Variants in PTK2 observed in about 807,000 individuals in gnomAD.
PTK2 encodes protein tyrosine kinase 2, also known as focal adhesion kinase 1.
In PTK2, 45 loss-of-function variants were observed where a neutral mutation model predicts 150.1. That is an observed-to-expected ratio of 0.30 (90% confidence interval 0.24 to 0.38). The LOEUF is 0.38. Ranked by LOEUF, PTK2 falls within the 10% of genes least tolerant of loss-of-function variation. The pLI is 1.00. For synonymous variants in PTK2, 432 were observed against 449.2 expected (o/e 0.96, Z 0.48); for missense variants, 919 against 1,307.3 (o/e 0.70, Z 4.58).
chr8:140,932,685 T>C (rs982235581), intron 1 of PTK2, among the ~76,000 whole-genome samples: 18 of 152,202 alleles, frequency 1.2e-4, no homozygotes, highest in Non-Finnish European at 2.6e-4. Flanking sequence ...CAATAAATTA[T>C]GGATATTTGC....
intron 3 of PTK2, among the ~76,000 whole-genome samples, chr8:140,883,082 G>A (rs1311137928): frequency 2.0e-5 from 3 of 152,104 alleles, no homozygotes; most frequent in Non-Finnish European, 4.4e-5. Flanking sequence ...TATTTTGCTT[G>A]GTTCCATTTA....
chr8:140,802,955 A>T (rs563053000), intron 11 of PTK2, among the ~76,000 whole-genome samples: 23 of 149,190 alleles, frequency 1.5e-4, no homozygotes, highest in African/African-American at 4.9e-4. Context: ...GCAAAACATG[A>T]CTGTACATAT....
chr8:140,752,063 T>G (rs1431295196), intron 17 of PTK2, 169 bp downstream of exon 20: 1 of 706,364 alleles, frequency 1.4e-6, no homozygotes, highest in African/African-American at 1.7e-5. Context: ...CCTGGAAAAA[T>G]CTGTAGATAG....
chr8:140,884,464 T>C (rs1218655880), intron 3 of PTK2, among the ~76,000 whole-genome samples: 2 of 152,206 alleles, frequency 1.3e-5, no homozygotes, highest in African/African-American at 4.8e-5. Context: ...GTTCAATTGA[T>C]TGTTATTAAT....
chr8:140,659,067 T>C (rs1365775236), exon 32 of PTK2: 1 of 235,114 alleles, frequency 4.3e-6, no homozygotes, highest in Non-Finnish European at 8.4e-6. Context: ...CTGGAATTCT[T>C]TGCTTCATGC....
chr8:140,803,005 CTTTTT>C (rs778981723), intron 11 of PTK2, among the ~76,000 whole-genome samples: 6 of 77,364 alleles, frequency 7.8e-5, no homozygotes, highest in East Asian at 1.0e-3. Context: ...TGATGACAAT[CTTTTT>C]TTTTTTTTTT....
intron 16 of PTK2, among the ~76,000 whole-genome samples, chr8:140,754,523 T>A (rs2100064586): frequency 6.6e-6 from 1 of 152,182 alleles, no homozygotes; most frequent in South Asian, 2.1e-4. Context: ...TTATAGACGA[T>A]CAGAGCAACA....
intron 5 of PTK2, among the ~76,000 whole-genome samples, chr8:140,851,243 T>C (rs1598629723): frequency 6.6e-6 from 1 of 152,210 alleles, no homozygotes; most frequent in Non-Finnish European, 1.5e-5. Context: ...ACCTAAGCTA[T>C]AAAAATATAC....
intron 26 of PTK2, among the ~76,000 whole-genome samples, chr8:140,694,849 T>C (rs927945919): frequency 2.6e-5 from 4 of 152,218 alleles, no homozygotes; most frequent in African/African-American, 9.7e-5. Context: ...ACCAGAGACC[T>C]AGCTGCCACC....
At chr8:140,902,535 A>G (rs1326862234) in intron 2 of PTK2, among the ~76,000 whole-genome samples, 1 of 152,208 alleles carries the variant, frequency 6.6e-6, no homozygotes, top group Non-Finnish European at 1.5e-5. Flanking sequence ...GAATTGCCAC[A>G]CTGTCTTCCA....
At chr8:140,955,047 T>C (rs780518087) in intron 1 of PTK2, among the ~76,000 whole-genome samples, 1 of 152,198 alleles carries the variant, frequency 6.6e-6, no homozygotes, top group Non-Finnish European at 1.5e-5. Context: ...CTAAGAACCA[T>C]TAAAACATCA....
At chr8:140,949,210 C>T (rs1364095809) in intron 1 of PTK2, among the ~76,000 whole-genome samples, 1 of 152,144 alleles carries the variant, frequency 6.6e-6, no homozygotes, top group African/African-American at 2.4e-5. Flanking sequence ...TGTAAAAATA[C>T]AGTATATAAT....
At chr8:140,819,066 G>GT (rs1487550212) in intron 8 of PTK2, 46 bp from the exon 9 acceptor site, 9 of 1,587,142 alleles carry the variant, frequency 5.7e-6, no homozygotes, top group Non-Finnish European at 7.7e-6. Context: ...TCAGCAATGA[G>GT]TAAAGACCAC....
In PTK2 at chr8:140,990,492, C is replaced by G. The variant is rs7845262; in HGVS notation, c.-122+10633G>C. Among the ~76,000 whole-genome samples, 905 of 152,250 alleles carry G rather than the reference C, an allele frequency of 5.9e-3. 10 individuals carry two copies. The highest frequency in any genetic ancestry group is 0.021 in the African/African-American group (863 of 41,538). On this transcript the variant is annotated intron_variant, in intron 1 of 31. Coordinates refer to ENST00000522684, the Ensembl canonical transcript of PTK2. ...CCTGGGCTCAAGTGATCCTCCCACC[C>G]TGGCCTCCCAAAGTGCTGGGGTTAC... is the stretch of plus-strand genomic sequence containing the variant.
intron 26 of PTK2, among the ~76,000 whole-genome samples, chr8:140,698,274 T>A (rs1257893990): frequency 6.6e-6 from 1 of 152,176 alleles, no homozygotes; most frequent in East Asian, 1.9e-4. Flanking sequence ...ATACAAGAAC[T>A]CTAGTTTGGA....
At chr8:140,781,153 G>C (rs1209334465) in intron 14 of PTK2, among the ~76,000 whole-genome samples, 1 of 152,038 alleles carries the variant, frequency 6.6e-6, no homozygotes, top group Non-Finnish European at 1.5e-5. Flanking sequence ...TCAAACTCTA[G>C]AATTTATATT....
intron 1 of PTK2, among the ~76,000 whole-genome samples, chr8:140,979,116 G>T (rs1481702436): frequency 7.9e-6 from 1 of 126,854 alleles, no homozygotes; most frequent in Non-Finnish European, 1.7e-5. Context: ...GTTGTGGGGT[G>T]GGGGGAGGGG....
chr8:140,764,388 C>A, intron 14 of PTK2, 98 bp from the exon 17 acceptor site: 2 of 893,068 alleles, frequency 2.2e-6, no homozygotes, highest in South Asian at 1.4e-5. Context: ...CTTAAATCCT[C>A]TACTACGCTG....
chr8:140,927,958 G>GAAAAAAAAAAAAAAAAAAAAA (rs57931737), intron 1 of PTK2, among the ~76,000 whole-genome samples: 2 of 63,666 alleles, frequency 3.1e-5, no homozygotes, highest in Non-Finnish European at 5.3e-5. Flanking sequence ...AAAAAAAAAA[G>GAAAAAAAAAAAAAAAAAAAAA]AAAAAAAAAA....
Sources: gnomAD v4.1 joint callset for allele counts (sites outside exome capture counted in the v4.1 genomes callset) on GRCh38, gnomAD v4.1.1 for gene constraint, MANE v1.5 for transcripts, NCBI Gene and HGNC (gene_info 2026-07-23, HGNC 2026-07-21) for gene names.